Variants in MAP4 observed in about 807,000 individuals in gnomAD.
MAP4 encodes the protein microtubule associated protein 4.
Under a neutral mutation model 170.2 loss-of-function variants are expected in MAP4, and 76 were observed. The ratio of observed to expected loss-of-function variants is 0.45; its 90% CI spans 0.37 to 0.54. The LOEUF (loss-of-function observed/expected upper bound fraction) is 0.54, where lower values mean the gene tolerates loss of function less well. Ranked by LOEUF, MAP4 falls within the 20% of genes least tolerant of loss-of-function variation. The probability of loss-of-function intolerance (pLI) is 0.00; values close to 1 mark genes in which losing one functional copy is unlikely to be tolerated. For synonymous variants in MAP4, 909 were observed against 994.5 expected (o/e 0.91, Z 1.62); for missense variants, 2,506 against 2,748.0 (o/e 0.91, Z 1.97).
intron 1 of MAP4, among the ~76,000 whole-genome samples, chr3:48,000,179 C>A (rs1331124166): frequency 7.2e-6 from 1 of 139,598 alleles, no homozygotes; most frequent in East Asian, 2.1e-4. Flanking sequence ...TGCGCCACTG[C>A]ACTCCAGCAT....
In MAP4 at chr3:47,890,953, G is replaced by A. The variant is rs532179784; in HGVS notation, c.5434+11997C>T. 6.4e-5 allele frequency: 81 copies of A among 1,272,790 alleles called. No homozygotes were observed. The South Asian group carries it at 9.1e-4, about 14-fold the overall frequency. 78.8% of individuals were successfully genotyped at this position (1,272,790 alleles called of 1,614,324 possible). ...GTAAAAAGCTGCTTAGTGCTCTGCC[G>A]GTAATCTGTCACTTTGGTTCCTTCC... On this transcript the variant is annotated intron_variant, in intron 10 of 20. Transcript: ENST00000683076.
In MAP4 at chr3:47,910,861, T is replaced by A. The variant is rs1312515502; in HGVS notation, c.3560A>T (p.Asn1187Ile). 5.2e-6 allele frequency: 8 copies of A among 1,536,148 alleles called. No individual in the cohort carries two copies. The South Asian group carries it at 7.1e-5, about 14-fold the overall frequency. ...GDVVKDMGVN[N>I]QSKEGRCPWK... is the part of the protein sequence containing the mutation. ...TGGACACCTTCCTTCCTTGCTCTGG[T>A]TATTGACACCCATATCTTTGACTAC... Residue 1187 changes from asparagine to isoleucine, a missense_variant, in exon 9 of 21, where the codon AAC (asparagine) becomes ATC (isoleucine). Physicochemically the swap from Asn to Ile is moderately radical, Grantham distance 149. Around this residue, in one of 3 missense-constraint regions of MAP4, gnomAD observed 2,008 missense variants for 2,206.0 expected, o/e 0.91. Coordinates refer to ENST00000683076, the MANE Select transcript of MAP4 (RefSeq NM_001385682.1).
chr3:47,908,947 G>T, intron 9 of MAP4, 91 bp downstream of exon 9: 1 of 1,324,294 alleles, frequency 7.6e-7, no homozygotes. Context: ...GATGATTAGA[G>T]TCTGGATGGA....
intron 1 of MAP4, among the ~76,000 whole-genome samples, chr3:48,044,743 C>G (rs1231367835): frequency 1.3e-5 from 2 of 151,328 alleles, no homozygotes; most frequent in African/African-American, 2.4e-5. Context: ...TGTACTCCAG[C>G]CTAAGTGACA....
intron 10 of MAP4, among the ~76,000 whole-genome samples, chr3:47,886,576 T>G (rs554760805): frequency 1.6e-4 from 25 of 152,334 alleles, no homozygotes; most frequent in South Asian, 1.5e-3. Flanking sequence ...GTGCTGAGAT[T>G]ACAGGCATGA....
At chr3:47,862,469 G>A (rs758828943) in intron 17 of MAP4, among the ~76,000 whole-genome samples, 1 of 150,518 alleles carries the variant, frequency 6.6e-6, no homozygotes, top group Non-Finnish European at 1.5e-5. Context: ...TAAATATATG[G>A]ATCAATTTTT....
chr3:47,951,484 C>T (rs1164986840), intron 3 of MAP4, among the ~76,000 whole-genome samples: 2 of 152,162 alleles, frequency 1.3e-5, no homozygotes, highest in East Asian at 1.9e-4. Flanking sequence ...CTAGTGCCTG[C>T]GATTGCAGAC....
intron 10 of MAP4, chr3:47,892,453 G>A (rs950876433): frequency 5.2e-6 from 8 of 1,535,094 alleles, no homozygotes; most frequent in Admixed American, 3.9e-5. Context: ...GACCGTACGC[G>A]GCAGTGAGAG....
chr3:47,914,932 G>A lies in MAP4; in HGVS notation c.1884C>T (p.Val628=), dbSNP rs138196912. The stretch of plus-strand genomic sequence containing the variant: ...AGCTGCACTTTTTCCCCGTTCCTGT[G>A]ACGGTTTCTAAAGGTAATAACAAAA... The part of the protein sequence containing the change: ...APTFMISPET[V]TGTGKKCSLP... The change falls in exon 8 of 21, where the codon GTC becomes GTT. Residue 628 remains valine, a synonymous_variant. Transcript: ENST00000683076. 6.2e-7 allele frequency: 1 copy of A among 1,613,972 alleles called. No individual in the cohort carries two copies. Among genetic ancestry groups the A allele is most frequent in the African/African-American group, 1.3e-5 (1 of 74,974 alleles).
chr3:47,906,310 C>G (rs1438122838), intron 9 of MAP4, among the ~76,000 whole-genome samples: 1 of 152,026 alleles, frequency 6.6e-6, no homozygotes, highest in Non-Finnish European at 1.5e-5. Context: ...ATGAAGATGA[C>G]ATCCTATAGA....
rs114562826 is a variant in MAP4, at chr3:47,977,381, T to C, written c.292+484A>G. On this transcript the variant is annotated intron_variant, in intron 3 of 20. Coordinates refer to ENST00000683076, the MANE Select transcript of MAP4 (RefSeq NM_001385682.1). ...CCTAGTAAAGAGCTAAGAGTTTAAT[T>C]AGAAGTAAATTTCAAAAGCAACAGT... is the stretch of plus-strand genomic sequence containing the variant. Among the ~76,000 whole-genome samples, 938 of 152,252 alleles carry C rather than the reference T, an allele frequency of 6.2e-3. 10 individuals are homozygous for C. The highest frequency in any genetic ancestry group is 0.022 in the African/African-American group (910 of 41,562).
intron 9 of MAP4, 130 bp downstream of exon 9, chr3:47,908,908 T>G: frequency 2.0e-6 from 2 of 995,704 alleles, no homozygotes; most frequent in East Asian, 4.8e-5. Context: ...AGTTATAGGT[T>G]TCATGCCAAC....
At chr3:48,002,250 A>G (rs981317223) in intron 1 of MAP4, among the ~76,000 whole-genome samples, 3 of 148,516 alleles carry the variant, frequency 2.0e-5, no homozygotes, top group Non-Finnish European at 4.4e-5. Flanking sequence ...TCAAAAAGAA[A>G]AAAAAAAGAA....
intron 7 of MAP4, 133 bp downstream of exon 7, chr3:47,915,818 G>A (rs1343501831): frequency 4.1e-5 from 39 of 944,792 alleles, no homozygotes; most frequent in Non-Finnish European, 1.6e-6. Context: ...TTGTCTAGGA[G>A]AGCAGGAGTA....
intron 3 of MAP4, among the ~76,000 whole-genome samples, chr3:47,937,495 C>A (rs1421703617): frequency 6.6e-6 from 1 of 151,948 alleles, no homozygotes; most frequent in Non-Finnish European, 1.5e-5. Context: ...TCTTGAATCA[C>A]AAAACACAAA....
chr3:47,884,529 G>A (rs184260322), intron 10 of MAP4, among the ~76,000 whole-genome samples: 1 of 152,228 alleles, frequency 6.6e-6, no homozygotes, highest in African/African-American at 2.4e-5. Context: ...TTGGTTCCTA[G>A]AGCCCTTGCA....
chr3:47,926,305 T>A (rs1367002267), intron 4 of MAP4, among the ~76,000 whole-genome samples: 1 of 151,972 alleles, frequency 6.6e-6, no homozygotes, highest in African/African-American at 2.4e-5. Context: ...AACCTCAGCC[T>A]CCCAAGTAGC....
intron 3 of MAP4, among the ~76,000 whole-genome samples, chr3:47,941,090 G>A (rs1447563461): frequency 1.3e-5 from 2 of 151,644 alleles, no homozygotes; most frequent in African/African-American, 4.8e-5. Context: ...TGCTGGCCAA[G>A]CTGGTCTCAA....
At position 47,916,233 on chromosome 3, in the gene MAP4, T is replaced by C. The variant is rs1559448455; in HGVS notation, c.1594A>G (p.Lys532Glu). The change falls in exon 7 of 21, where the codon AAG (lysine) becomes GAG (glutamate). Residue 532 changes from lysine to glutamate, a missense_variant. Lys to Glu is a moderately conservative substitution (Grantham distance 56, BLOSUM62 1). Transcript: ENST00000683076. The stretch of plus-strand genomic sequence containing the variant: ...ATTTCTGGAGGCAGACATACGTTCT[T>C]GATGAGAACTACTTCTGTTTCTGGA... Reference protein sequence around the residue: ...PPPETEVVLIKNVCLPPEMEV... With the variant: ...PPPETEVVLIENVCLPPEMEV... 8.7e-6 allele frequency: 14 copies of C among 1,614,210 alleles called. No individual in the cohort carries two copies. The highest frequency in any genetic ancestry group is 1.2e-5 in the Non-Finnish European group (14 of 1,180,042).
Sources: allele counts gnomAD v4.1 joint callset (sites outside exome capture counted in the v4.1 genomes callset), GRCh38; gene constraint gnomAD v4.1.1; regional missense constraint gnomAD v4.1.1; transcripts MANE v1.5; gene names NCBI Gene and HGNC (gene_info 2026-07-23, HGNC 2026-07-21).